The following GPHN variants were observed in gnomAD, a reference collection of about 807,000 sequenced individuals.
The protein encoded by GPHN is gephyrin.
A neutral mutation model predicts 95.5 loss-of-function variants in GPHN; 17 were observed. The observed-to-expected ratio is 0.18, with a 90% CI of 0.12 to 0.27. The LOEUF is 0.27. Among genes scored for constraint, GPHN ranks in the 10% least tolerant of loss-of-function variants. GPHN has a pLI of 1.00. For synonymous variants in GPHN, 320 were observed against 322.5 expected (o/e 0.99, Z 0.08); for missense variants, 660 against 978.1 (o/e 0.67, Z 4.34).
At chr14:66,556,590 A>G (rs907729815) in intron 1 of GPHN, among the ~76,000 whole-genome samples, 20 of 152,204 alleles carry the variant, frequency 1.3e-4, no homozygotes, top group African/African-American at 4.6e-4. Context: ...ATAAAATGAA[A>G]TGAAACTATT....
At chr14:67,403,488 C>A in the GPHN span, among the ~76,000 whole-genome samples, 4 of 152,164 alleles carry the variant, frequency 2.6e-5, no homozygotes, top group African/African-American at 9.7e-5. Flanking sequence ...CTATGGCATC[C>A]CAGCCAAATA....
At chr14:67,554,453 TGGCTGGGATGCAACGCCTCTG>T in the GPHN span, among the ~76,000 whole-genome samples, 1 of 151,988 alleles carries the variant, frequency 6.6e-6, no homozygotes, top group Non-Finnish European at 1.5e-5. Flanking sequence ...GTGGAAGGCG[TGGCTGGGATGCAACGCCTCTG>T]GGACATGTAT....
intron 1 of GPHN, among the ~76,000 whole-genome samples, chr14:66,568,772 A>G (rs1298369404): frequency 6.6e-6 from 1 of 152,088 alleles, no homozygotes; most frequent in Non-Finnish European, 1.5e-5. Context: ...CCTCAAACAT[A>G]TCTTTTCTGC....
chr14:67,559,414 T>C, the GPHN span, among the ~76,000 whole-genome samples: 2 of 152,176 alleles, frequency 1.3e-5, no homozygotes, highest in South Asian at 2.1e-4. Flanking sequence ...TGGTGAACAC[T>C]TAGACTATTT....
chr14:67,302,150 T>C, the GPHN span: 1 of 1,562,126 alleles, frequency 6.4e-7, no homozygotes, highest in Non-Finnish European at 8.6e-7. Context: ...TTTAAACAAG[T>C]GCATTTTTCT....
At chr14:66,922,536 A>T in intron 6 of GPHN, 130 bp from the exon 7 acceptor site, 2 of 686,104 alleles carry the variant, frequency 2.9e-6, no homozygotes, top group Non-Finnish European at 5.0e-6. Context: ...ACAATGTTTT[A>T]CATATGATTG....
intron 8 of GPHN, among the ~76,000 whole-genome samples, chr14:66,962,331 G>GT (rs540551730): frequency 3.4e-5 from 5 of 148,304 alleles, no homozygotes; most frequent in African/African-American, 1.0e-4. Flanking sequence ...AGCATAGGCA[G>GT]TTTTTGTTTT....
chr14:67,583,706 A>C, the GPHN span: 88 of 1,580,578 alleles, frequency 5.6e-5, no homozygotes, highest in Non-Finnish European at 2.1e-5. Context: ...CCACTGTCAG[A>C]TTTTGACTGG....
the GPHN span, among the ~76,000 whole-genome samples, chr14:67,269,181 T>C: frequency 3.0e-4 from 45 of 152,362 alleles, no homozygotes; most frequent in South Asian, 9.3e-3. Flanking sequence ...GGTTAATCTA[T>C]GTTGTAGCAT....
At chr14:67,303,578 G>A in the GPHN span, 10 of 1,613,352 alleles carry the variant, frequency 6.2e-6, no homozygotes, top group Admixed American at 1.7e-5. Flanking sequence ...AGATCAAGCC[G>A]CCTCCTGCCA....
chr14:67,561,986 T>C, the GPHN span: 2 of 1,613,858 alleles, frequency 1.2e-6, no homozygotes, highest in Non-Finnish European at 1.7e-6. Context: ...TGAAAAGCCA[T>C]AATCAGCGCC....
chr14:66,973,933 C>T (rs2070008852), intron 9 of GPHN, among the ~76,000 whole-genome samples: 1 of 152,172 alleles, frequency 6.6e-6, no homozygotes, highest in Non-Finnish European at 1.5e-5. Context: ...ATCAACATTG[C>T]TGGCCCACCA....
rs554300052 is a variant in GPHN at position 66,955,832 on chromosome 14, G to T, written c.829-9359G>T. Among the ~76,000 whole-genome samples, 7 of 152,168 alleles carry T rather than the reference G, an allele frequency of 4.6e-5. No individual in the cohort carries two copies. The South Asian group carries it at 8.3e-4, about 18-fold the overall frequency. On this transcript the variant is annotated intron_variant, in intron 8 of 22. Coordinates refer to ENST00000478722, the MANE Select transcript of GPHN (RefSeq NM_020806.5). ...TGGATTTTTGTCCCTGCAATAGTTT[G>T]CTGAGAATGATGGTTTCCATCTTCA...
chr14:67,035,730 A>G (rs1389140871), intron 10 of GPHN, among the ~76,000 whole-genome samples: 1 of 151,854 alleles, frequency 6.6e-6, no homozygotes, highest in Non-Finnish European at 1.5e-5. Context: ...ACCATTAAGG[A>G]TATTGAATCA....
At chr14:66,738,444 A>G (rs1016764845) in intron 2 of GPHN, among the ~76,000 whole-genome samples, 1 of 152,204 alleles carries the variant, frequency 6.6e-6, no homozygotes, top group African/African-American at 2.4e-5. Context: ...CTGTACTGCT[A>G]AATACCCATA....
Position 67,181,340 on chromosome 14 carries a change from C to G in GPHN, c.*403C>G, listed in dbSNP as rs749469483. The G allele has an allele frequency of 6.3e-5, 27 of 430,798 alleles. No homozygotes were observed. The highest frequency in any genetic ancestry group is 6.7e-4 in the Middle Eastern group (2 of 2,982). 26.7% of individuals were successfully genotyped at this position (430,798 alleles called of 1,614,324 possible). Reference sequence around the variant, plus strand: ...CTAGCGTAGGCAACACTTGGATTTCCCTTCTTAGTATGCTTCATAACTGCT... The same window carrying G: ...CTAGCGTAGGCAACACTTGGATTTCGCTTCTTAGTATGCTTCATAACTGCT... On this transcript the variant is annotated 3_prime_UTR_variant, in exon 23 of 23. Transcript: ENST00000478722.
chr14:67,201,377 G>T, the GPHN span: 1 of 452,712 alleles, frequency 2.2e-6, no homozygotes, highest in African/African-American at 2.0e-5. Context: ...CAGGGCATCA[G>T]CTCACTCCCA....
intron 9 of GPHN, among the ~76,000 whole-genome samples, chr14:67,010,916 G>A (rs899892800): frequency 1.3e-5 from 2 of 152,020 alleles, no homozygotes; most frequent in Non-Finnish European, 2.9e-5. Context: ...AAAATATATG[G>A]GTTGAAAACA....
the GPHN span, among the ~76,000 whole-genome samples, chr14:67,194,257 G>A: frequency 1.1e-4 from 17 of 150,508 alleles, no homozygotes; most frequent in Non-Finnish European, 1.2e-4. Flanking sequence ...CCAACTACTC[G>A]GGAGGCTGAG....
Sources: allele counts gnomAD v4.1 joint callset (sites outside exome capture counted in the v4.1 genomes callset), GRCh38; gene constraint gnomAD v4.1.1; transcripts MANE v1.5; gene names NCBI Gene and HGNC (gene_info 2026-07-23, HGNC 2026-07-21).